Variants in GRIK2 observed in about 807,000 individuals in gnomAD.
GRIK2 encodes glutamate ionotropic receptor kainate type subunit 2.
Under a neutral mutation model 100.3 loss-of-function variants are expected in GRIK2, and 32 were observed. The observed-to-expected ratio is 0.32, with a 90% CI of 0.24 to 0.43. The LOEUF (loss-of-function observed/expected upper bound fraction) is 0.43. GRIK2 is among the 20% of genes least tolerant of loss of function. The pLI is 1.00. For synonymous variants in GRIK2, 417 were observed against 389.4 expected (o/e 1.07, Z -0.83); for missense variants, 843 against 1,114.9 (o/e 0.76, Z 3.47).
intron 2 of GRIK2, among the ~76,000 whole-genome samples, chr6:101,451,030 C>T (rs1253326707): frequency 3.3e-5 from 5 of 151,528 alleles, no homozygotes; most frequent in Non-Finnish European, 7.4e-5. Flanking sequence ...TCTCCTTTCC[C>T]GCTCTATTTT....
At position 101,802,447 on chromosome 6, in the gene GRIK2, G is replaced by A. The variant is rs1364352101; in HGVS notation, c.1203+9G>A. On this transcript the variant is annotated intron_variant, in intron 9 of 16. Coordinates refer to ENST00000369134, the MANE Select transcript of GRIK2 (RefSeq NM_021956.5). ...AAGAAGGTCTAGAAAAGGTATTTCA[G>A]TGAGCTTATTTGCTTTAATTACTAA... The A allele has an allele frequency of 3.2e-6, 4 of 1,264,276 alleles. No individual in the cohort carries two copies. The highest frequency in any genetic ancestry group is 1.4e-5 in the South Asian group (1 of 73,338). 78.3% of individuals were successfully genotyped at this position (1,264,276 alleles called of 1,614,324 possible). A position where few individuals can be genotyped will look rare whatever the true frequency, so the allele number is the denominator to read the frequency against.
In GRIK2 at chr6:101,626,616, G is replaced by A. The variant is rs1780452630; in HGVS notation, c.520G>A (p.Val174Ile). 1 of 1,613,702 alleles carries A rather than the reference G, an allele frequency of 6.2e-7. No individual in the cohort carries two copies. The highest frequency in any genetic ancestry group is 1.3e-5 in the African/African-American group (1 of 74,910). Residue 174 changes from valine (V) to isoleucine (I), a missense_variant, in exon 4 of 17, where the codon GTT (valine) becomes ATT (isoleucine). Coordinates refer to ENST00000369134, the MANE Select transcript of GRIK2 (RefSeq NM_021956.5). ...VQFFKWKTVT[V>I]VYDDSTGLIR... ...GTTTTTCAAGTGGAAAACCGTCACGGTTGTGTATGATGACAGCACTGGTAA... is the reference window on the plus strand; with the variant it reads ...GTTTTTCAAGTGGAAAACCGTCACGATTGTGTATGATGACAGCACTGGTAA...
intron 10 of GRIK2, among the ~76,000 whole-genome samples, chr6:101,822,243 CAA>C (rs1491023105): frequency 7.6e-5 from 10 of 131,000 alleles, no homozygotes; most frequent in Non-Finnish European, 1.6e-4. Flanking sequence ...CACACACACA[CAA>C]ACACATACAA....
At chr6:101,963,704 C>T (rs980607593) in intron 14 of GRIK2, among the ~76,000 whole-genome samples, 11 of 151,790 alleles carry the variant, frequency 7.2e-5, no homozygotes, top group African/African-American at 2.7e-4. Context: ...TTCCTCTTAT[C>T]CATTTTATGC....
chr6:101,398,676 A>T, intron 1 of GRIK2: 1 of 214,450 alleles, frequency 4.7e-6, no homozygotes. Context: ...TGGAAAATAA[A>T]AGCAATGTTC....
At chr6:101,576,008 T>C (rs372327607) in intron 2 of GRIK2, among the ~76,000 whole-genome samples, 1 of 152,010 alleles carries the variant, frequency 6.6e-6, no homozygotes, top group East Asian at 1.9e-4. Flanking sequence ...GATGTTTGAG[T>C]CTAGAATTTG....
At chr6:101,463,415 G>T (rs114993800) in intron 2 of GRIK2, among the ~76,000 whole-genome samples, 1 of 152,112 alleles carries the variant, frequency 6.6e-6, no homozygotes, top group South Asian at 2.1e-4. Flanking sequence ...GTTATTGACT[G>T]TCTTGATGCT....
chr6:101,595,629 TAC>T (rs1439263134), intron 2 of GRIK2, among the ~76,000 whole-genome samples: 2 of 150,760 alleles, frequency 1.3e-5, no homozygotes, highest in South Asian at 2.1e-4. Context: ...TGTGTATGCA[TAC>T]ACACACAGAC....
chr6:101,455,839 T>C (rs1770977111), intron 2 of GRIK2, among the ~76,000 whole-genome samples: 1 of 152,126 alleles, frequency 6.6e-6, no homozygotes, highest in Non-Finnish European at 1.5e-5. Context: ...GATAACTTGT[T>C]TTATGGCTGA....
At chr6:101,611,581 A>G (rs1473224918) in intron 2 of GRIK2, among the ~76,000 whole-genome samples, 1 of 151,886 alleles carries the variant, frequency 6.6e-6, no homozygotes, top group Non-Finnish European at 1.5e-5. Context: ...GGTTATTGTC[A>G]TTAGAAATAA....
chr6:101,627,743 A>G (rs960263530), intron 4 of GRIK2, among the ~76,000 whole-genome samples: 5 of 152,170 alleles, frequency 3.3e-5, no homozygotes, highest in Admixed American at 6.5e-5. Flanking sequence ...GAATTTACTA[A>G]ATGATATTTA....
chr6:101,617,665 A>C (rs1161057848), intron 2 of GRIK2, among the ~76,000 whole-genome samples: 1 of 151,736 alleles, frequency 6.6e-6, no homozygotes, highest in Non-Finnish European at 1.5e-5. Context: ...TTGTGGTTTA[A>C]ATTTTCATTT....
At chr6:101,442,572 G>A (rs550198205) in intron 2 of GRIK2, among the ~76,000 whole-genome samples, 1 of 152,220 alleles carries the variant, frequency 6.6e-6, no homozygotes, top group South Asian at 2.1e-4. Flanking sequence ...TTGACATAGG[G>A]TTTAGAAGGA....
intron 2 of GRIK2, among the ~76,000 whole-genome samples, chr6:101,568,722 A>G (rs1777398311): frequency 6.6e-6 from 1 of 152,066 alleles, no homozygotes; most frequent in Non-Finnish European, 1.5e-5. Context: ...AACTATCTTA[A>G]AAGTTATTAA....
intron 2 of GRIK2, among the ~76,000 whole-genome samples, chr6:101,413,535 A>C (rs986490245): frequency 1.3e-5 from 2 of 152,132 alleles, no homozygotes; most frequent in African/African-American, 4.8e-5. Context: ...ACTTTCAGTA[A>C]ATATAAAAAT....
chr6:102,068,080 AT>A (rs1772105907), intron 16 of GRIK2, among the ~76,000 whole-genome samples: 1 of 151,898 alleles, frequency 6.6e-6, no homozygotes, highest in South Asian at 2.1e-4. Context: ...TTTATTTAAT[AT>A]ATGTGTAATA....
chr6:101,823,047 C>G (rs1261168538), intron 10 of GRIK2, among the ~76,000 whole-genome samples: 2 of 152,124 alleles, frequency 1.3e-5, no homozygotes, highest in Non-Finnish European at 2.9e-5. Flanking sequence ...AATATCTAAA[C>G]ATTTTTTCTC....
intron 14 of GRIK2, among the ~76,000 whole-genome samples, chr6:101,965,252 C>T (rs547674847): frequency 6.6e-6 from 1 of 152,246 alleles, no homozygotes; most frequent in Admixed American, 6.5e-5. Context: ...TAGGTGTCCT[C>T]CTGTAAAACT....
At chr6:101,879,955 T>C (rs1180568658) in intron 11 of GRIK2, among the ~76,000 whole-genome samples, 1 of 151,956 alleles carries the variant, frequency 6.6e-6, no homozygotes, top group Non-Finnish European at 1.5e-5. Context: ...CACCAACCCA[T>C]AGCCTAAAAA....
Sources: gnomAD v4.1 joint callset for allele counts (sites outside exome capture counted in the v4.1 genomes callset) on GRCh38, gnomAD v4.1.1 for gene constraint, MANE v1.5 for transcripts, NCBI Gene and HGNC (gene_info 2026-07-23, HGNC 2026-07-21) for gene names.